Variants in ZNF493 observed in about 807,000 individuals in gnomAD.
ZNF493 encodes the protein zinc finger protein 493.
A neutral mutation model predicts 12.2 loss-of-function variants in ZNF493; 11 were observed. That is an observed-to-expected ratio of 0.90 (90% CI 0.57 to 1.50). The LOEUF is 1.50. Ranked by LOEUF, ZNF493 falls within the 40% of genes most tolerant of loss-of-function variation. The pLI is 0.00. For synonymous variants in ZNF493, 286 were observed against 302.6 expected (o/e 0.95, Z 0.57); for missense variants, 950 against 906.6 (o/e 1.05, Z -0.61).
chr19:21,422,344 C>A (rs2030701799), intron 3 of ZNF493, among the ~76,000 whole-genome samples: 1 of 149,364 alleles, frequency 6.7e-6, no homozygotes, highest in South Asian at 2.1e-4. Context: ...CCTGGACAAG[C>A]AAGTAATAAA....
chr19:21,425,689 A>C lies in ZNF493; in HGVS notation c.*705A>C. ...ATAATTCATGCTGGAGAGAAACCCTACAAATGTGAAAAATGTGGCAAAGCT... is the reference window on the plus strand; with the variant it reads ...ATAATTCATGCTGGAGAGAAACCCTCCAAATGTGAAAAATGTGGCAAAGCT... On this transcript the variant is annotated 3_prime_UTR_variant, in exon 4 of 4. Transcript: ENST00000392288. 1 of 762,686 alleles carries C rather than the reference A, an allele frequency of 1.3e-6. No homozygotes were observed. The highest frequency in any genetic ancestry group is 2.2e-6 in the Non-Finnish European group (1 of 457,858). 47.2% of individuals were successfully genotyped at this position (762,686 alleles called of 1,614,324 possible).
chr19:21,410,058 GTGTATATATATA>G (rs1340463999), intron 3 of ZNF493, among the ~76,000 whole-genome samples: 1,695 of 139,916 alleles, frequency 0.012, 20 homozygotes, highest in Non-Finnish European at 0.018. Context: ...ATTTCATTGT[GTGTATATATATA>G]TATATATATA....
intron 1 of ZNF493, among the ~76,000 whole-genome samples, chr19:21,401,394 A>G (rs1272149389): frequency 6.6e-6 from 1 of 152,182 alleles, no homozygotes; most frequent in East Asian, 1.9e-4. Flanking sequence ...TTCATTAAAA[A>G]TATTGGCCTC....
chr19:21,420,624 T>TATATATATATATACATATATA (rs1491161100), intron 3 of ZNF493, among the ~76,000 whole-genome samples: 1 of 17,116 alleles, frequency 5.8e-5, no homozygotes, highest in African/African-American at 2.4e-4. Context: ...TATATATATA[T>TATATATATATATACATATATA]TTTTTTTTTT....
rs751914247 is a variant in ZNF493, at chr19:21,423,290, C to A, written c.631C>A (p.Arg211=). 1.9e-6 allele frequency: 3 copies of A among 1,613,704 alleles called. No individual in the cohort carries two copies. In the East Asian group the frequency reaches 6.7e-5, roughly 36 times the overall value. The change falls in exon 4 of 4, where the codon CGA becomes AGA. Residue 211 remains arginine, a synonymous_variant. Coordinates refer to ENST00000392288, the MANE Select transcript of ZNF493 (RefSeq NM_001076678.3). ...AATTCATATTAGAGAGAATTCTTAC[C>A]GATGTGAAGAATGTGGCAAAGCCTT... is the stretch of plus-strand genomic sequence containing the variant. ...KRIHIRENSY[R]CEECGKAFIW... is the part of the protein sequence containing the mutation.
chr19:21,401,874 C>T (rs2029957193), intron 1 of ZNF493, among the ~76,000 whole-genome samples: 1 of 152,122 alleles, frequency 6.6e-6, no homozygotes, highest in Admixed American at 6.6e-5. Context: ...TCGTGATCCA[C>T]TCGCCTCGGC....
intron 3 of ZNF493, among the ~76,000 whole-genome samples, chr19:21,418,042 T>G (rs2030546444): frequency 6.6e-6 from 1 of 152,190 alleles, no homozygotes; most frequent in Admixed American, 6.5e-5. Context: ...CAAGCCTCTA[T>G]ATCACTCTCT....
intron 3 of ZNF493, chr19:21,412,531 T>TCC (rs892082695): frequency 3.8e-5 from 6 of 156,984 alleles, no homozygotes; most frequent in African/African-American, 1.5e-4. Context: ...CCAACATGTC[T>TCC]CTTCTTTGAT....
intron 1 of ZNF493, 63 bp from the exon 2 acceptor site, chr19:21,405,066 G>A: frequency 6.5e-7 from 1 of 1,538,294 alleles, no homozygotes; most frequent in Non-Finnish European, 8.7e-7. Context: ...TAATTCAAAT[G>A]ATAAATTTTG....
intron 3 of ZNF493, chr19:21,407,396 C>T (rs908395418): frequency 2.6e-5 from 4 of 152,844 alleles, no homozygotes; most frequent in African/African-American, 9.7e-5. Flanking sequence ...TCTTGCCATT[C>T]ACCTGCATTA....
In ZNF493 at chr19:21,397,257, G is replaced by A; in HGVS notation, c.20G>A (p.Ser7Asn). The A allele has an allele frequency of 1.2e-6, 2 of 1,614,238 alleles. No individual in the cohort carries two copies. The highest frequency in any genetic ancestry group is 2.2e-5 in the South Asian group (2 of 91,088). MPGPPE[S>N]LDMGPLTFRD... is the part of the protein sequence containing the mutation. ...GCTAAGATGCCAGGACCCCCTGAAA[G>A]CCTAGACATGGTGAGAGTGCTGGGT... Residue 7 changes from serine to asparagine, a missense_variant, in exon 1 of 4, where the codon AGC (serine) becomes AAC (asparagine). Coordinates refer to ENST00000392288, the MANE Select transcript of ZNF493 (RefSeq NM_001076678.3).
At chr19:21,400,340 G>A (rs2029897947) in intron 1 of ZNF493, among the ~76,000 whole-genome samples, 1 of 152,024 alleles carries the variant, frequency 6.6e-6, no homozygotes. Flanking sequence ...AACCTAAGAG[G>A]TTGAGGTTGT....
chr19:21,422,468 A>T (rs201669035), intron 3 of ZNF493, among the ~76,000 whole-genome samples: 16 of 132,838 alleles, frequency 1.2e-4, no homozygotes, highest in South Asian at 2.3e-4. Context: ...TATTTTTATA[A>T]TTTTTTTTTT....
chr19:21,405,940 G>T, intron 3 of ZNF493, 84 bp downstream of exon 3: 1 of 1,071,928 alleles, frequency 9.3e-7, no homozygotes, highest in African/African-American at 1.7e-5. Flanking sequence ...GCCAGTCCTG[G>T]CCGGGAGCAA....
In ZNF493 at chr19:21,410,990, A is replaced by C. The variant is rs2937169; in HGVS notation, c.253+5134A>C. On this transcript the variant is annotated intron_variant, in intron 3 of 3. Transcript: ENST00000392288. ...TATTTTTTGTAGAGACGGTTTCTCC[A>C]TGTTGGTCAGGCTGGTCTGGAACTC... Among the ~76,000 whole-genome samples the C allele has an allele frequency of 4.4e-3, 674 of 152,076 alleles. 6 individuals are homozygous for C. The highest frequency in any genetic ancestry group is 0.016 in the African/African-American group (649 of 41,486).
chr19:21,400,274 G>A (rs981174974), intron 1 of ZNF493, among the ~76,000 whole-genome samples: 1 of 152,066 alleles, frequency 6.6e-6, no homozygotes, highest in African/African-American at 2.4e-5. Flanking sequence ...GCTGGGCATG[G>A]TGGCACGCAC....
At chr19:21,418,538 G>T (rs1452385760) in intron 3 of ZNF493, among the ~76,000 whole-genome samples, 1 of 152,104 alleles carries the variant, frequency 6.6e-6, no homozygotes, top group African/African-American at 2.4e-5. Context: ...CACTTGCTGA[G>T]ACCACCTCGG....
intron 3 of ZNF493, chr19:21,408,253 G>A (rs2030203080): frequency 2.1e-5 from 14 of 677,364 alleles, no homozygotes; most frequent in Non-Finnish European, 2.5e-5. Flanking sequence ...AGCCTCCTGA[G>A]TAGCTGGGAT....
chr19:21,411,005 G>A (rs1022018830), intron 3 of ZNF493, among the ~76,000 whole-genome samples: 3 of 152,066 alleles, frequency 2.0e-5, no homozygotes, highest in Non-Finnish European at 4.4e-5. Context: ...GGTCAGGCTG[G>A]TCTGGAACTC....
Sources: allele counts gnomAD v4.1 joint callset (sites outside exome capture counted in the v4.1 genomes callset), GRCh38; gene constraint gnomAD v4.1.1; transcripts MANE v1.5; gene names NCBI Gene and HGNC (gene_info 2026-07-23, HGNC 2026-07-21).